The following LRRC74A variants were observed in gnomAD, a reference collection of about 807,000 sequenced individuals.
LRRC74A encodes leucine rich repeat containing 74A, also known as leucine-rich repeat-containing protein 74A.
A neutral mutation model predicts 57.9 loss-of-function variants in LRRC74A; 44 were observed. The ratio of observed to expected loss-of-function variants is 0.76; its 90% CI spans 0.60 to 0.98. The LOEUF is 0.98. Among genes scored for constraint, LRRC74A ranks in the 50% least tolerant of loss-of-function variants. LRRC74A has a pLI of 0.00. For missense variants in LRRC74A, 572 were observed against 574.0 expected (o/e 1.00, Z 0.04); for synonymous variants, 211 against 219.4 (o/e 0.96, Z 0.34).
rs778624986 is a variant in LRRC74A at position 76,837,900 on chromosome 14, T to C, written c.473T>C (p.Leu158Ser). ...EMNISNNHLG[L>S]EGARIISDFF... is the part of the protein sequence containing the mutation. ...AATATTTCCAACAATCACCTTGGTT[T>C]GGAGGGGGCCAGAATCATCTCAGAT... Residue 158 changes from leucine (L) to serine (S), a missense_variant, in exon 5 of 14, where the codon TTG becomes TCG. Transcript: ENST00000689127. 2.1e-5 allele frequency: 34 copies of C among 1,592,370 alleles called. No individual in the cohort carries two copies. In the South Asian group the frequency reaches 3.7e-4, roughly 17 times the overall value.
intron 4 of LRRC74A, among the ~76,000 whole-genome samples, chr14:76,837,274 G>A (rs1896422308): frequency 6.6e-6 from 1 of 152,144 alleles, no homozygotes; most frequent in Admixed American, 6.5e-5. Flanking sequence ...TACACAATGT[G>A]AATATGCTTA....
At chr14:76,832,439 T>A (rs1896035903) in intron 3 of LRRC74A, among the ~76,000 whole-genome samples, 1 of 152,188 alleles carries the variant, frequency 6.6e-6, no homozygotes, top group African/African-American at 2.4e-5. Flanking sequence ...TCTTGATTAT[T>A]TAGGACCACA....
At chr14:76,846,295 G>A (rs1897112144) in intron 7 of LRRC74A, among the ~76,000 whole-genome samples, 4 of 152,280 alleles carry the variant, frequency 2.6e-5, no homozygotes, top group African/African-American at 4.8e-5. Flanking sequence ...GCGGACAACC[G>A]AGCGAAATAA....
chr14:76,859,662 CTTT>C (rs1025552496), intron 10 of LRRC74A, among the ~76,000 whole-genome samples: 3 of 80,902 alleles, frequency 3.7e-5, no homozygotes, highest in East Asian at 6.7e-4. Flanking sequence ...CTGAATTAGC[CTTT>C]TTTTTTTTTT....
chr14:76,852,534 C>A, intron 8 of LRRC74A, 84 bp downstream of exon 8: 5 of 1,009,458 alleles, frequency 5.0e-6, no homozygotes, highest in Admixed American at 2.4e-5. Context: ...GCCTCTTCCT[C>A]ATGGTCACCA....
intron 11 of LRRC74A, among the ~76,000 whole-genome samples, chr14:76,862,340 G>A (rs113402145): frequency 0.14 from 20,677 of 152,146 alleles, 1,949 homozygotes; most frequent in African/African-American, 0.27. Flanking sequence ...GACCAGCCTG[G>A]CCAACATGGC....
intron 5 of LRRC74A, among the ~76,000 whole-genome samples, chr14:76,841,187 G>T (rs2362863): frequency 6.6e-6 from 1 of 152,080 alleles, no homozygotes; most frequent in African/African-American, 2.4e-5. Flanking sequence ...AATTACAGGC[G>T]CCTGCTGCCA....
At position 76,867,858 on chromosome 14, in the gene LRRC74A, G is replaced by A. The variant is rs79420332; in HGVS notation, c.1391+420G>A. Among the ~76,000 whole-genome samples, 80 of 152,320 alleles carry A rather than the reference G, an allele frequency of 5.3e-4. 1 individual carries two copies. The highest frequency in any genetic ancestry group is 1.5e-3 in the African/African-American group (64 of 41,570). On this transcript the variant is annotated intron_variant, in intron 13 of 13. Transcript: ENST00000689127. Reference sequence around the variant, plus strand: ...ATGTTTCAGCCGAGTCTGGCAAGACGGAGACCTAGACAGAGGGCGGAGGCA... The same window carrying A: ...ATGTTTCAGCCGAGTCTGGCAAGACAGAGACCTAGACAGAGGGCGGAGGCA...
chr14:76,861,453 C>T (rs1209202091), intron 11 of LRRC74A, among the ~76,000 whole-genome samples: 2 of 152,206 alleles, frequency 1.3e-5, no homozygotes, highest in Non-Finnish European at 2.9e-5. Flanking sequence ...CTGGCAATCA[C>T]AGGAGGCAGA....
chr14:76,829,112 C>A (rs545770513), intron 2 of LRRC74A: 3 of 1,289,278 alleles, frequency 2.3e-6, no homozygotes, highest in Non-Finnish European at 3.0e-6. Flanking sequence ...AGGGAAGCAC[C>A]GAAAGAGAAC....
intron 2 of LRRC74A, chr14:76,829,015 G>A: frequency 7.8e-7 from 1 of 1,289,266 alleles, no homozygotes; most frequent in South Asian, 1.2e-5. Context: ...AAGCATGCCT[G>A]GGTATCGGGA....
chr14:76,850,445 AG>A, intron 7 of LRRC74A, among the ~76,000 whole-genome samples: 1 of 151,964 alleles, frequency 6.6e-6, no homozygotes, highest in Non-Finnish European at 1.5e-5. Context: ...GAAGGAGGGG[AG>A]GGGGTAATGA....
intron 10 of LRRC74A, among the ~76,000 whole-genome samples, chr14:76,859,534 C>CAAA (rs562270049): frequency 1.1e-5 from 1 of 91,512 alleles, no homozygotes; most frequent in African/African-American, 4.1e-5. Flanking sequence ...AACTCCATCT[C>CAAA]AAAAAAAAAA....
intron 2 of LRRC74A, chr14:76,829,037 G>A: frequency 2.3e-6 from 3 of 1,289,360 alleles, no homozygotes; most frequent in Non-Finnish European, 3.0e-6. Context: ...TGGCTGAGCT[G>A]AAACAAAGAC....
At chr14:76,843,126 A>G (rs1334937132) in intron 5 of LRRC74A, among the ~76,000 whole-genome samples, 4 of 152,084 alleles carry the variant, frequency 2.6e-5, no homozygotes, top group African/African-American at 9.7e-5. Context: ...TACTAAAAAT[A>G]TAAAAATTAG....
chr14:76,851,886 G>T (rs552992148), intron 7 of LRRC74A, among the ~76,000 whole-genome samples: 1 of 150,296 alleles, frequency 6.7e-6, no homozygotes, highest in African/African-American at 2.4e-5. Flanking sequence ...GGGTGGTCTC[G>T]ATCTCTTGAC....
chr14:76,843,634 C>A (rs1244574377), intron 5 of LRRC74A, among the ~76,000 whole-genome samples: 1 of 152,146 alleles, frequency 6.6e-6, no homozygotes, highest in Non-Finnish European at 1.5e-5. Flanking sequence ...GCCTTGTTCT[C>A]TTTTGTCCAT....
intron 7 of LRRC74A, among the ~76,000 whole-genome samples, chr14:76,848,771 A>G (rs1897259989): frequency 6.6e-6 from 1 of 152,212 alleles, no homozygotes; most frequent in Admixed American, 6.5e-5. Flanking sequence ...AGGTAATTAC[A>G]GGAGCAAAGT....
chr14:76,826,791 C>A, intron 1 of LRRC74A, 57 bp downstream of exon 1: 1 of 1,202,110 alleles, frequency 8.3e-7, no homozygotes, highest in South Asian at 1.3e-5. Flanking sequence ...CTCAGTACAA[C>A]ACCTAGTGAT....
Sources: allele counts gnomAD v4.1 joint callset (sites outside exome capture counted in the v4.1 genomes callset), GRCh38; gene constraint gnomAD v4.1.1; transcripts MANE v1.5; gene names NCBI Gene and HGNC (gene_info 2026-07-23, HGNC 2026-07-21).